The following PLSCR1 variants were observed in gnomAD, a reference collection of about 807,000 sequenced individuals.
PLSCR1 encodes the protein PL scramblase 1.
PLSCR1 carries 17 observed loss-of-function variants against 37.8 expected under a neutral mutation model. The observed-to-expected ratio is 0.45, with a 90% CI of 0.31 to 0.68. The LOEUF is 0.68. Among genes scored for constraint, PLSCR1 ranks in the 30% least tolerant of loss-of-function variants. The probability of loss-of-function intolerance (pLI) is 0.06; values close to 1 mark genes in which losing one functional copy is unlikely to be tolerated. For synonymous variants in PLSCR1, 116 were observed against 125.9 expected (o/e 0.92, Z 0.53); for missense variants, 347 against 380.9 (o/e 0.91, Z 0.74).
chr3:146,528,565 T>C, intron 4 of PLSCR1, 49 bp downstream of exon 4: 1 of 1,448,868 alleles, frequency 6.9e-7, no homozygotes. Context: ...TTAAGCAAGC[T>C]GGAAGCACAG....
At chr3:146,535,842 G>A (rs1206003110) in intron 2 of PLSCR1, among the ~76,000 whole-genome samples, 2 of 152,164 alleles carry the variant, frequency 1.3e-5, no homozygotes, top group Non-Finnish European at 2.9e-5. Flanking sequence ...TCTAATAAGG[G>A]TGACACTGTA....
chr3:146,525,284 G>A (rs1472567623), intron 5 of PLSCR1, among the ~76,000 whole-genome samples: 1 of 152,202 alleles, frequency 6.6e-6, no homozygotes, highest in African/African-American at 2.4e-5. Context: ...TTCTTAAGCT[G>A]ATCACAATTA....
intron 1 of PLSCR1, among the ~76,000 whole-genome samples, chr3:146,540,410 C>G (rs979564778): frequency 6.6e-6 from 1 of 152,138 alleles, no homozygotes; most frequent in African/African-American, 2.4e-5. Context: ...AAGAGGAAGA[C>G]ACAGCACAGG....
intron 2 of PLSCR1, 84 bp downstream of exon 2, chr3:146,536,456 G>T: frequency 1.2e-6 from 1 of 810,870 alleles, no homozygotes; most frequent in South Asian, 1.4e-5. Flanking sequence ...TTCAGACACT[G>T]AATAAAACAT....
intron 3 of PLSCR1, among the ~76,000 whole-genome samples, chr3:146,532,488 G>T (rs1021898883): frequency 1.3e-5 from 2 of 152,196 alleles, no homozygotes; most frequent in Non-Finnish European, 1.5e-5. Context: ...AGACAAGGTT[G>T]CCATGAGCCA....
At chr3:146,529,703 CG>C (rs2044170240) in intron 3 of PLSCR1, among the ~76,000 whole-genome samples, 1 of 151,952 alleles carries the variant, frequency 6.6e-6, no homozygotes, top group Admixed American at 6.6e-5. Flanking sequence ...TTAGTAGAGA[CG>C]GGGTTTCAGT....
intron 3 of PLSCR1, among the ~76,000 whole-genome samples, chr3:146,530,751 A>T (rs2044185940): frequency 1.3e-5 from 2 of 152,228 alleles, no homozygotes; most frequent in Non-Finnish European, 2.9e-5. Context: ...TTAGCAAAGC[A>T]ACAGGAAGCT....
At chr3:146,516,795 G>A (rs1038162574) in intron 8 of PLSCR1, 2 of 412,642 alleles carry the variant, frequency 4.8e-6, no homozygotes, top group African/African-American at 4.2e-5. Context: ...CTTGCCATGT[G>A]AATATTCATA....
At chr3:146,536,684 A>T (rs1351171664) in intron 1 of PLSCR1, 119 bp from the exon 2 acceptor site, 3 of 648,178 alleles carry the variant, frequency 4.6e-6, no homozygotes, top group Non-Finnish European at 8.6e-6. Flanking sequence ...CTCTTTATTC[A>T]TCCAGCCCAG....
chr3:146,521,399 G>C lies in PLSCR1; in HGVS notation c.738+145C>G, dbSNP rs1342232101. 5 of 715,814 alleles carry C rather than the reference G, an allele frequency of 7.0e-6. No individual in the cohort carries two copies. In the East Asian group the frequency reaches 1.3e-4, roughly 19 times the overall value. The allele number at this position is 715,814 out of a possible 1,614,324, so 44.3% of individuals were successfully genotyped here. A position where few individuals can be genotyped will look rare whatever the true frequency, so the allele number is the denominator to read the frequency against. Reference sequence around the variant, plus strand: ...TAATCAGAGTGATAACTACCACTCTGCCCAAAGTTAAATAAATGAGAAAAT... The same window carrying C: ...TAATCAGAGTGATAACTACCACTCTCCCCAAAGTTAAATAAATGAGAAAAT... On this transcript the variant is annotated intron_variant, in intron 7 of 8. Transcript: ENST00000342435.
In PLSCR1 at chr3:146,544,172, C is replaced by A. The variant is rs115894151; in HGVS notation, c.-14+295G>T. Among the ~76,000 whole-genome samples, 1,369 of 152,328 alleles carry A rather than the reference C, an allele frequency of 9.0e-3. 17 individuals are homozygous for A. The highest frequency in any genetic ancestry group is 0.032 in the African/African-American group (1,317 of 41,560). On this transcript the variant is annotated intron_variant, in intron 1 of 8. Transcript: ENST00000342435. ...CGCAAGGCGTTTTCAGGCAGGGCAC[C>A]CCTTGTCATTCGAATGGTTCTGGGG...
chr3:146,519,618 T>C (rs1302576525), intron 7 of PLSCR1, among the ~76,000 whole-genome samples: 1 of 152,108 alleles, frequency 6.6e-6, no homozygotes, highest in Non-Finnish European at 1.5e-5. Flanking sequence ...TCTTTTCCTA[T>C]ACATAACTAA....
At chr3:146,540,789 C>T (rs561342313) in intron 1 of PLSCR1, 32 of 152,118 alleles carry the variant, frequency 2.1e-4, no homozygotes, top group South Asian at 6.2e-4. Context: ...TAACTTCCTC[C>T]GAATAACTGA....
At chr3:146,524,212 T>C (rs1416957592) in intron 5 of PLSCR1, among the ~76,000 whole-genome samples, 1 of 152,234 alleles carries the variant, frequency 6.6e-6, no homozygotes, top group African/African-American at 2.4e-5. Context: ...CTCCAGCTTA[T>C]TTGTAAAACA....
At chr3:146,518,594 TTAAAAAAATGAAAAA>T (rs1226506456) in intron 7 of PLSCR1, among the ~76,000 whole-genome samples, 2 of 152,132 alleles carry the variant, frequency 1.3e-5, no homozygotes, top group African/African-American at 2.4e-5. Flanking sequence ...ATTCTGAAAT[TTAAAAAAATGAAAAA>T]TGCAGCTGAC....
intron 5 of PLSCR1, among the ~76,000 whole-genome samples, chr3:146,522,539 G>A (rs200024336): frequency 5.3e-5 from 8 of 149,916 alleles, no homozygotes; most frequent in Admixed American, 6.7e-5. Context: ...AAGTACCCAG[G>A]GACACAAAAC....
At chr3:146,526,701 C>T (rs1560084477) in intron 4 of PLSCR1, among the ~76,000 whole-genome samples, 1 of 151,884 alleles carries the variant, frequency 6.6e-6, no homozygotes, top group Non-Finnish European at 1.5e-5. Flanking sequence ...AAAAATCAGC[C>T]ATAAAAATGA....
At chr3:146,522,833 A>G (rs1227111232) in intron 5 of PLSCR1, among the ~76,000 whole-genome samples, 1 of 152,242 alleles carries the variant, frequency 6.6e-6, no homozygotes, top group African/African-American at 2.4e-5. Context: ...AGATAGGGGA[A>G]AACTGCCTTA....
intron 1 of PLSCR1, among the ~76,000 whole-genome samples, chr3:146,542,152 C>T (rs1047642089): frequency 1.3e-5 from 2 of 152,170 alleles, no homozygotes. Flanking sequence ...AGGAGCAACA[C>T]CTTATTCCAC....
Sources: allele counts gnomAD v4.1 joint callset (sites outside exome capture counted in the v4.1 genomes callset), GRCh38; gene constraint gnomAD v4.1.1; transcripts MANE v1.5; gene names NCBI Gene and HGNC (gene_info 2026-07-23, HGNC 2026-07-21).